Variants in KLHDC4 observed in about 807,000 individuals in gnomAD.
The protein encoded by KLHDC4 is kelch domain containing 4.
Under a neutral mutation model 62.4 loss-of-function variants are expected in KLHDC4, and 90 were observed. The ratio of observed to expected loss-of-function variants is 1.44; its 90% CI spans 1.22 to 1.72. KLHDC4 has a LOEUF of 1.72. Among genes scored for constraint, KLHDC4 ranks in the 40% most tolerant of loss-of-function variants. The pLI, the probability that KLHDC4 is intolerant of heterozygous loss-of-function variation, is 0.00. For missense variants in KLHDC4, 1,025 were observed against 699.7 expected, an observed-to-expected ratio of 1.47 and a Z score of -5.25; for synonymous variants, 386 against 284.4, an observed-to-expected ratio of 1.36 and a Z score of -3.59.
chr16:87,711,762 G>T (rs889783329), intron 8 of KLHDC4, among the ~76,000 whole-genome samples: 3 of 151,408 alleles, frequency 2.0e-5, no homozygotes, highest in Non-Finnish European at 4.4e-5. Context: ...CACACAGAGG[G>T]GCTTCTGTGG....
intron 4 of KLHDC4, chr16:87,750,491 G>C (rs535391609): frequency 2.0e-5 from 3 of 152,428 alleles, no homozygotes; most frequent in South Asian, 2.1e-4. Flanking sequence ...GGTCATTGCA[G>C]AGTTGGTTCT....
chr16:87,762,996 G>A (rs995015147), intron 1 of KLHDC4, among the ~76,000 whole-genome samples: 4 of 152,126 alleles, frequency 2.6e-5, no homozygotes, highest in Admixed American at 1.3e-4. Flanking sequence ...GGTTCCCTCA[G>A]CCTGCCACGC....
intron 10 of KLHDC4, 145 bp from the exon 11 acceptor site, chr16:87,708,611 C>G: frequency 2.1e-6 from 1 of 470,238 alleles, no homozygotes. Context: ...CCCCGACCCC[C>G]TTCAGATCCA....
intron 2 of KLHDC4, 40 bp downstream of exon 2, chr16:87,761,909 G>A (rs772098321): frequency 3.1e-6 from 5 of 1,593,678 alleles, no homozygotes; most frequent in African/African-American, 1.3e-5. Flanking sequence ...ATGTATAGAA[G>A]AAAAGGAAAC....
chr16:87,757,476 A>G (rs2045157901), intron 2 of KLHDC4: 1 of 152,068 alleles, frequency 6.6e-6, no homozygotes, highest in African/African-American at 2.4e-5. Context: ...GAAAAAAAAA[A>G]AAAAAAGTCC....
intron 1 of KLHDC4, 68 bp downstream of exon 1, chr16:87,765,724 G>A (rs2046563695): frequency 2.8e-6 from 4 of 1,439,254 alleles, no homozygotes; most frequent in South Asian, 1.3e-5. Flanking sequence ...ACCCCGGGGG[G>A]CGCAGGGAGT....
chr16:87,715,847 T>C (rs2036857226), intron 7 of KLHDC4, among the ~76,000 whole-genome samples: 1 of 152,160 alleles, frequency 6.6e-6, no homozygotes, highest in African/African-American at 2.4e-5. Context: ...GCCACGCTAC[T>C]GTGGTCGCAG....
At chr16:87,760,324 A>G (rs2045667121) in intron 2 of KLHDC4, among the ~76,000 whole-genome samples, 1 of 151,082 alleles carries the variant, frequency 6.6e-6, no homozygotes, top group Non-Finnish European at 1.5e-5. Flanking sequence ...AAGTCTCTAC[A>G]GGGCCGGGCA....
chr16:87,708,176 T>A (rs1434094646), intron 11 of KLHDC4, 101 bp from the exon 12 acceptor site: 2 of 621,262 alleles, frequency 3.2e-6, no homozygotes, highest in Non-Finnish European at 5.8e-6. Context: ...AGGGAAGACC[T>A]CATCAAAGAG....
intron 2 of KLHDC4, among the ~76,000 whole-genome samples, chr16:87,759,122 A>C (rs984329701): frequency 1.3e-5 from 2 of 152,210 alleles, no homozygotes; most frequent in South Asian, 2.1e-4. Flanking sequence ...CGGTGAGCCG[A>C]TATCATACCA....
chr16:87,733,211 G>C (rs1362983566), intron 5 of KLHDC4, among the ~76,000 whole-genome samples: 1 of 152,234 alleles, frequency 6.6e-6, no homozygotes, highest in East Asian at 1.9e-4. Flanking sequence ...GCTTCTACAT[G>C]GGTGGTTCTC....
At chr16:87,720,446 C>T (rs2038048374) in intron 7 of KLHDC4, among the ~76,000 whole-genome samples, 1 of 152,214 alleles carries the variant, frequency 6.6e-6, no homozygotes, top group South Asian at 2.1e-4. Flanking sequence ...GACGCAGGTC[C>T]AGCAACCCAT....
chr16:87,752,022 G>T (rs568663751), intron 4 of KLHDC4, among the ~76,000 whole-genome samples: 2 of 144,026 alleles, frequency 1.4e-5, no homozygotes, highest in African/African-American at 5.2e-5. Context: ...CCCGGGAGGC[G>T]GAGGTTGCAG....
At chr16:87,749,234 CCT>C (rs1597323598) in intron 4 of KLHDC4, among the ~76,000 whole-genome samples, 1 of 152,106 alleles carries the variant, frequency 6.6e-6, no homozygotes, top group East Asian at 1.9e-4. Context: ...ACTAAATTAG[CCT>C]CAGAAGTACA....
intron 8 of KLHDC4, 21 bp from the exon 9 acceptor site, chr16:87,711,464 AGT>A (rs1245694706): frequency 6.3e-7 from 1 of 1,593,134 alleles, no homozygotes. Context: ...AGAACAAGGA[AGT>A]GGGATAAGAA....
intron 10 of KLHDC4, 69 bp from the exon 11 acceptor site, chr16:87,708,535 G>T: frequency 4.2e-6 from 5 of 1,192,636 alleles, no homozygotes; most frequent in Non-Finnish European, 5.9e-6. Flanking sequence ...CTGCGGGACG[G>T]TGGTGGCTAC....
At chr16:87,756,259 C>G (rs2044874797) in intron 3 of KLHDC4, 140 bp downstream of exon 3, 2 of 622,790 alleles carry the variant, frequency 3.2e-6, no homozygotes, top group Admixed American at 4.9e-5. Context: ...GGCGACGTCT[C>G]ACATCAGGCC....
At chr16:87,759,072 G>C (rs1224983447) in intron 2 of KLHDC4, among the ~76,000 whole-genome samples, 1 of 152,168 alleles carries the variant, frequency 6.6e-6, no homozygotes, top group East Asian at 1.9e-4. Flanking sequence ...CTACTTGGGA[G>C]GCTGAGGAAG....
At chr16:87,714,242 G>T (rs977801442) in intron 8 of KLHDC4, among the ~76,000 whole-genome samples, 1 of 152,222 alleles carries the variant, frequency 6.6e-6, no homozygotes, top group Non-Finnish European at 1.5e-5. Context: ...ACAGAGGGCT[G>T]TCTGCAGGGT....
Sources: gnomAD v4.1 joint callset for allele counts (sites outside exome capture counted in the v4.1 genomes callset) on GRCh38, gnomAD v4.1.1 for gene constraint, MANE v1.5 for transcripts, NCBI Gene and HGNC (gene_info 2026-07-23, HGNC 2026-07-21) for gene names.